The following POLG variants were observed in gnomAD, a reference collection of about 807,000 sequenced individuals.
POLG encodes DNA polymerase subunit gamma-1.
A neutral mutation model predicts 155.4 loss-of-function variants in POLG; 110 were observed. The ratio of observed to expected loss-of-function variants is 0.71; its 90% confidence interval spans 0.61 to 0.83. The LOEUF is 0.83. Ranked by LOEUF, POLG falls within the 40% of genes least tolerant of loss-of-function variation. The pLI is 0.00. For missense variants in POLG, 1,685 were observed against 1,627.5 expected (o/e 1.04, Z -0.61); for synonymous variants, 701 against 631.5 (o/e 1.11, Z -1.65).
intron 13 of POLG, 63 bp from the exon 14 acceptor site, chr15:89,322,965 C>A: frequency 1.3e-6 from 2 of 1,513,960 alleles, no homozygotes; most frequent in East Asian, 2.3e-5. Flanking sequence ...GGGGAACCAA[C>A]GTGAGTACCT....
intron 16 of POLG, among the ~76,000 whole-genome samples, chr15:89,321,531 C>T (rs1216868984): frequency 6.6e-6 from 1 of 152,232 alleles, no homozygotes; most frequent in Non-Finnish European, 1.5e-5. Context: ...ACGCCTGTCA[C>T]GGTCTGGCCA....
chr15:89,329,850 C>T (rs1233769725), intron 3 of POLG, among the ~76,000 whole-genome samples: 1 of 152,178 alleles, frequency 6.6e-6, no homozygotes, highest in Admixed American at 6.5e-5. Context: ...GCCACAGAGA[C>T]GAAGGCCATT....
At chr15:89,321,393 C>T in intron 16 of POLG, 133 bp from the exon 17 acceptor site, 3 of 1,067,284 alleles carry the variant, frequency 2.8e-6, no homozygotes, top group Non-Finnish European at 2.8e-6. Flanking sequence ...GCTGAAATTC[C>T]ACAGTTCCAG....
chr15:89,317,214 T>C, intron 22 of POLG, 162 bp downstream of exon 22: 2 of 672,336 alleles, frequency 3.0e-6, no homozygotes, highest in Non-Finnish European at 5.3e-6. Flanking sequence ...TCATATCACA[T>C]TCACTCTGGA....
chr15:89,321,974 C>T lies in POLG; in HGVS notation c.2468G>A (p.Arg823His), dbSNP rs751172552. 8.1e-6 allele frequency: 13 copies of T among 1,613,972 alleles called. No individual in the cohort carries two copies. The highest frequency in any genetic ancestry group is 4.4e-5 in the South Asian group (4 of 91,088). The change falls in exon 15 of 23, where the codon CGT (arginine) becomes CAT (histidine). Residue 823 changes from arginine to histidine, a missense_variant. Transcript: ENST00000268124. ...VVWLPRSALP[R>H]AVIRHPDYDE... ...CAGCAGACCATACCTGATCACAGCA[C>T]GGGGCAGAGCTGACCTGGGCAGCCA...
chr15:89,328,005 G>GC (rs1489669182), intron 6 of POLG, among the ~76,000 whole-genome samples: 1 of 149,406 alleles, frequency 6.7e-6, no homozygotes, highest in African/African-American at 2.6e-5. Context: ...AAAGCTTCTA[G>GC]CCAACAGCAA....
At chr15:89,324,841 AC>A (rs1318470654) in intron 10 of POLG, among the ~76,000 whole-genome samples, 2 of 152,198 alleles carry the variant, frequency 1.3e-5, no homozygotes, top group African/African-American at 4.8e-5. Flanking sequence ...CAAATTATAT[AC>A]ACACACTTTT....
chr15:89,316,604 G>A lies in POLG; in HGVS notation c.*147C>T, dbSNP rs984726831. 3.6e-6 allele frequency: 4 copies of A among 1,110,252 alleles called. No individual in the cohort carries two copies. Among genetic ancestry groups the A allele is most frequent in the Non-Finnish European group, 5.4e-6 (4 of 739,126 alleles). 68.8% of individuals were successfully genotyped at this position (1,110,252 alleles called of 1,614,324 possible). On this transcript the variant is annotated 3_prime_UTR_variant, in exon 23 of 23. Coordinates refer to ENST00000268124, the MANE Select transcript of POLG (RefSeq NM_002693.3). ...AATTCAACTGCACCTTCAGTTAGAA[G>A]GAATCTTCTTGGCAGGTCCTGCTAC...
intron 18 of POLG, 58 bp from the exon 19 acceptor site, chr15:89,319,408 C>T (rs919051683): frequency 5.9e-5 from 95 of 1,605,454 alleles, no homozygotes; most frequent in Admixed American, 8.3e-5. Flanking sequence ...CACGCTAGTG[C>T]CTTGGCAAGG....
Position 89,325,690 on chromosome 15 carries a change from C to T in POLG, c.1713-4G>A, listed in dbSNP as rs201857960. On this transcript the variant is annotated splice_polypyrimidine_tract_variant and splice_region_variant and intron_variant, in intron 9 of 22. Coordinates refer to ENST00000268124, the MANE Select transcript of POLG (RefSeq NM_002693.3). ...GGGGCAGAGCTTCCGGTACCATCTA[C>T]GTCCCAGCAGGAAGACAGCAGTGTC... The T allele has an allele frequency of 2.0e-5, 32 of 1,599,140 alleles. No homozygotes were observed. Among genetic ancestry groups the T allele is most frequent in the South Asian group, 6.6e-5 (6 of 90,972 alleles).
chr15:89,320,946 T>C lies in POLG; in HGVS notation c.2801A>G (p.Lys934Arg). Reference protein sequence around the residue: ...RKSRGTDLHSKTATTVGISRE... With the variant: ...RKSRGTDLHSRTATTVGISRE... ...GCTGATGCCCACAGTAGTGGCTGTC[T>C]TACTGTGTAGATCAGTGCCCCTGCT... The change falls in exon 18 of 23, where the codon AAG (lysine) becomes AGG (arginine). Residue 934 changes from lysine to arginine, a missense_variant. By Grantham distance (26) the Lys-to-Arg change is conservative (BLOSUM62 2). This residue lies in a region of POLG where 470 missense variants were observed against 439.9 expected (regional missense o/e 1.07). Transcript: ENST00000268124. 2.5e-6 allele frequency: 4 copies of C among 1,613,818 alleles called. No individual in the cohort carries two copies. The highest frequency in any genetic ancestry group is 3.4e-6 in the Non-Finnish European group (4 of 1,179,856).
Position 89,330,184 on chromosome 15 carries a change from G to C in POLG, c.752C>G (p.Thr251Ser), listed in dbSNP as rs113994094. 1 of 1,613,784 alleles carries C rather than the reference G, an allele frequency of 6.2e-7. No homozygotes were observed. The highest frequency in any genetic ancestry group is 1.3e-5 in the African/African-American group (1 of 75,062). ...TCTCTGGGTGGGGCTGCTGGCACCA[G>C]TAGGGACCTCCAGGGGGATGAGGTC... is the stretch of plus-strand genomic sequence containing the variant. ...PADLIPLEVP[T>S]GASSPTQRDW... The change falls in exon 3 of 23, where the codon ACT (threonine) becomes AGT (serine). Residue 251 changes from threonine to serine, a missense_variant. Thr to Ser is a moderately conservative substitution (Grantham distance 58). Around this residue, in one of 3 missense-constraint regions of POLG, gnomAD observed 1,210 missense variants for 1,167.1 expected, o/e 1.04. Coordinates refer to ENST00000268124, the MANE Select transcript of POLG (RefSeq NM_002693.3).
chr15:89,324,599 T>C (rs889886446), intron 10 of POLG, among the ~76,000 whole-genome samples: 1 of 152,210 alleles, frequency 6.6e-6, no homozygotes, highest in African/African-American at 2.4e-5. Flanking sequence ...GCCAGTGTTA[T>C]CCCCTTTGGT....
chr15:89,328,567 G>A, intron 5 of POLG, 32 bp from the exon 6 acceptor site: 1 of 1,608,970 alleles, frequency 6.2e-7, no homozygotes, highest in Non-Finnish European at 8.5e-7. Context: ...GCGCAAGGTG[G>A]GCAGCCATCC....
chr15:89,317,450 C>G lies in POLG; in HGVS notation c.3569G>C (p.Arg1190Thr), dbSNP rs1284694470. Residue 1190 changes from arginine to threonine, a missense_variant, in exon 22 of 23, where the codon AGG (arginine) becomes ACG (threonine). Arg to Thr is a moderately conservative substitution (Grantham distance 71, BLOSUM62 -1). Transcript: ENST00000268124. Reference sequence around the variant, plus strand: ...TTTACAATCCATGGTCACTTCCTTCCTGAGGCACCGGTCAATATCGACTGC... The same window carrying G: ...TTTACAATCCATGGTCACTTCCTTCGTGAGGCACCGGTCAATATCGACTGC... The part of the protein sequence containing the change: ...FSAVDIDRCL[R>T]KEVTMDCKTP... 1 of 1,614,122 alleles carries G rather than the reference C, an allele frequency of 6.2e-7. No individual in the cohort carries two copies.
At position 89,325,217 on chromosome 15, in the gene POLG, AGTGAGAGAGTGAGTGAGAGAGTGAGT is replaced by A. The variant is rs2055488254; in HGVS notation, c.1949+207_1949+232del. On this transcript the variant is annotated intron_variant, in intron 10 of 22. Coordinates refer to ENST00000268124, the MANE Select transcript of POLG (RefSeq NM_002693.3). ...GAGAGAGTGAGTGAGAGAGTGAGTG[AGTGAGAGAGTGAGTGAGAGAGTGAGT>A]GAGTGAGAGAGAGAGTGAGTGAGTG... Among the ~76,000 whole-genome samples the A allele has an allele frequency of 5.8e-5, 4 of 69,496 alleles. 1 individual carries two copies. Among genetic ancestry groups the A allele is most frequent in the African/African-American group, 1.8e-4 (4 of 21,852 alleles). The allele number at this position is 69,496 out of a possible 152,430, so 45.6% of individuals were successfully genotyped here. A position where few individuals can be genotyped will look rare whatever the true frequency, so the allele number is the denominator to read the frequency against.
chr15:89,327,384 C>G (rs776391976), intron 6 of POLG, 35 bp from the exon 7 acceptor site: 15 of 1,602,364 alleles, frequency 9.4e-6, no homozygotes, highest in Non-Finnish European at 1.3e-5. Context: ...CCATAAATGA[C>G]CACAGGAGGC....
At chr15:89,331,156 G>C (rs866517724) in intron 2 of POLG, among the ~76,000 whole-genome samples, 6 of 152,108 alleles carry the variant, frequency 3.9e-5, no homozygotes, top group Middle Eastern at 3.4e-3. Context: ...GAAAAAGGGA[G>C]TATCTGCCTC....
In POLG at chr15:89,325,551, C is replaced by G. The variant is rs1295724476; in HGVS notation, c.1848G>C (p.Glu616Asp). Reference sequence around the variant, plus strand: ...GCACCAAGTAGCCCCAGCCATGACGCTCTGAGTAGTGCAGAGGGAAGCCAT... The same window carrying G: ...GCACCAAGTAGCCCCAGCCATGACGGTCTGAGTAGTGCAGAGGGAAGCCAT... Reference protein sequence around the residue: ...TWDGFPLHYSERHGWGYLVPG... With the variant: ...TWDGFPLHYSDRHGWGYLVPG... Residue 616 changes from glutamate to aspartate, a missense_variant, in exon 10 of 23, where the codon GAG (glutamate) becomes GAC (aspartate). This residue lies in a region of POLG where 1,210 missense variants were observed against 1,167.1 expected (regional missense o/e 1.04). Coordinates refer to ENST00000268124, the MANE Select transcript of POLG (RefSeq NM_002693.3). The G allele has an allele frequency of 6.2e-7, 1 of 1,613,450 alleles. No individual in the cohort carries two copies. The highest frequency in any genetic ancestry group is 1.3e-5 in the African/African-American group (1 of 74,932).
Sources: allele counts gnomAD v4.1 joint callset (sites outside exome capture counted in the v4.1 genomes callset), GRCh38; gene constraint gnomAD v4.1.1; regional missense constraint gnomAD v4.1.1; transcripts MANE v1.5; gene names NCBI Gene and HGNC (gene_info 2026-07-23, HGNC 2026-07-21).